UBE2W: variants seen among roughly 807,000 people sequenced by gnomAD.
UBE2W encodes the protein ubiquitin-conjugating enzyme E2 W.
A neutral mutation model predicts 27.2 loss-of-function variants in UBE2W; 18 were observed. The observed-to-expected ratio is 0.66, with a 90% CI of 0.46 to 0.98. The LOEUF (loss-of-function observed/expected upper bound fraction) is 0.98. Ranked by LOEUF, UBE2W falls within the 50% of genes least tolerant of loss-of-function variation. The pLI is 0.00. For missense variants in UBE2W, 90 were observed against 180.2 expected, an observed-to-expected ratio of 0.50 and a Z score of 2.87; for synonymous variants, 53 against 57.2, an observed-to-expected ratio of 0.93 and a Z score of 0.33.
chr8:73,876,342 T>A (rs183143454), intron 1 of UBE2W, among the ~76,000 whole-genome samples: 72 of 152,246 alleles, frequency 4.7e-4, no homozygotes, highest in African/African-American at 1.7e-3. Context: ...AAATTCTGTA[T>A]AACAAAGATA....
intron 3 of UBE2W, among the ~76,000 whole-genome samples, chr8:73,814,050 T>C (rs1307394913): frequency 1.3e-5 from 2 of 152,154 alleles, no homozygotes; most frequent in African/African-American, 4.8e-5. Flanking sequence ...TGTTCTAATG[T>C]AAACTTTGCT....
Position 73,790,964 on chromosome 8 carries a change from A to C in UBE2W, c.*3138T>G, listed in dbSNP as rs565057881. On this transcript the variant is annotated 3_prime_UTR_variant, in exon 6 of 6. Coordinates refer to ENST00000602593, the MANE Select transcript of UBE2W (RefSeq NM_018299.6). Reference sequence around the variant, plus strand: ...AAAATTTCATGAGGGAAAAGGTAATAAACTATTCTAGTTATTTTATACCAA... The same window carrying C: ...AAAATTTCATGAGGGAAAAGGTAATCAACTATTCTAGTTATTTTATACCAA... 2.0e-6 allele frequency: 2 copies of C among 980,206 alleles called. No homozygotes were observed. Among genetic ancestry groups the C allele is most frequent in the East Asian group, 1.1e-4 (1 of 8,794 alleles). The allele number at this position is 980,206 out of a possible 1,614,324, so 60.7% of individuals were successfully genotyped here. A position where few individuals can be genotyped will look rare whatever the true frequency, so the allele number is the denominator to read the frequency against.
chr8:73,815,979 T>TAACATACAATATACAATATAC (rs1215902195), intron 3 of UBE2W, among the ~76,000 whole-genome samples: 2 of 152,216 alleles, frequency 1.3e-5, no homozygotes, highest in South Asian at 2.1e-4. Context: ...TATTTATGTA[T>TAACATACAATATACAATATAC]AACATACAAT....
At chr8:73,812,166 C>T (rs1809176937) in intron 3 of UBE2W, among the ~76,000 whole-genome samples, 1 of 150,588 alleles carries the variant, frequency 6.6e-6, no homozygotes, top group African/African-American at 2.4e-5. Flanking sequence ...TCCATACTTG[C>T]ATCTATTTCT....
chr8:73,809,766 G>A (rs1809070605), intron 4 of UBE2W, among the ~76,000 whole-genome samples: 1 of 152,028 alleles, frequency 6.6e-6, no homozygotes, highest in African/African-American at 2.4e-5. Context: ...TTTTAGTAGA[G>A]ACAGGGTTTC....
chr8:73,817,977 G>A (rs1187220756), intron 3 of UBE2W, among the ~76,000 whole-genome samples: 8 of 152,064 alleles, frequency 5.3e-5, no homozygotes, highest in Non-Finnish European at 1.0e-4. Flanking sequence ...AAAACTACAA[G>A]AGCCCATGCT....
At chr8:73,797,283 C>A (rs1241581472) in intron 5 of UBE2W, among the ~76,000 whole-genome samples, 2 of 151,972 alleles carry the variant, frequency 1.3e-5, no homozygotes, top group East Asian at 3.8e-4. Flanking sequence ...TCCCCAGGGA[C>A]AGAAGACTAG....
rs115746293 is a variant in UBE2W, at chr8:73,870,642, A to G, written c.15+8166T>C. Among the ~76,000 whole-genome samples, 1,129 of 152,216 alleles carry G rather than the reference A, an allele frequency of 7.4e-3. 15 individuals carry two copies. Among genetic ancestry groups the G allele is most frequent in the African/African-American group, 0.026 (1,066 of 41,552 alleles). ...TTCGACATTTACTGAACTCTCCTAC[A>G]TGTCAGGCACTAGGTTACATCCAAG... On this transcript the variant is annotated intron_variant, in intron 1 of 5. Transcript: ENST00000602593.
chr8:73,787,912 G>A lies in UBE2W; in HGVS notation c.*6190C>T, dbSNP rs1808026352. ...GGGACTTATTAAAACACTAAAACTA[G>A]CTACATATTACATAAAGGTGATGTG... On this transcript the variant is annotated 3_prime_UTR_variant, in exon 6 of 6. Coordinates refer to ENST00000602593, the MANE Select transcript of UBE2W (RefSeq NM_018299.6). 2 of 985,234 alleles carry A rather than the reference G, an allele frequency of 2.0e-6. No individual in the cohort carries two copies. Among genetic ancestry groups the A allele is most frequent in the African/African-American group, 3.5e-5 (2 of 57,212 alleles). The allele number at this position is 985,234 out of a possible 1,614,324, so 61.0% of individuals were successfully genotyped here. A position where few individuals can be genotyped will look rare whatever the true frequency, so the allele number is the denominator to read the frequency against.
intron 5 of UBE2W, among the ~76,000 whole-genome samples, chr8:73,804,842 T>C (rs1808803530): frequency 6.6e-6 from 1 of 151,932 alleles, no homozygotes; most frequent in Non-Finnish European, 1.5e-5. Flanking sequence ...GTGATTCTCA[T>C]GCATCAGCCT....
At chr8:73,875,544 A>T (rs911150384) in intron 1 of UBE2W, among the ~76,000 whole-genome samples, 2 of 116,606 alleles carry the variant, frequency 1.7e-5, no homozygotes, top group Admixed American at 7.8e-5. Flanking sequence ...ATGGCATTTT[A>T]AAAAAAATAC....
chr8:73,815,953 T>C (rs558506758), intron 3 of UBE2W, among the ~76,000 whole-genome samples: 8 of 152,344 alleles, frequency 5.3e-5, no homozygotes, highest in Admixed American at 3.9e-4. Context: ...ATTGTTGTAA[T>C]GGAAACTAAA....
At chr8:73,851,324 G>C (rs1811068888) in intron 1 of UBE2W, among the ~76,000 whole-genome samples, 1 of 152,044 alleles carries the variant, frequency 6.6e-6, no homozygotes, top group African/African-American at 2.4e-5. Flanking sequence ...GAAGAGACGG[G>C]TAAAGGCTAG....
intron 3 of UBE2W, among the ~76,000 whole-genome samples, chr8:73,822,602 CAAAAAAAAAAA>C (rs67427702): frequency 2.7e-4 from 14 of 51,224 alleles, no homozygotes; most frequent in South Asian, 1.3e-3. Context: ...CTTGCAACTG[CAAAAAAAAAAA>C]AAAAAAAAAA....
At chr8:73,813,722 G>T (rs2130879301) in intron 3 of UBE2W, among the ~76,000 whole-genome samples, 1 of 151,592 alleles carries the variant, frequency 6.6e-6, no homozygotes, top group East Asian at 1.9e-4. Flanking sequence ...TTCACATAAG[G>T]GGCAAATAAG....
At chr8:73,794,854 T>TAA (rs1289254274) in intron 5 of UBE2W, among the ~76,000 whole-genome samples, 8 of 43,870 alleles carry the variant, frequency 1.8e-4, no homozygotes, top group East Asian at 4.8e-4. Flanking sequence ...CTCTGTCTCA[T>TAA]AAAAAAAAAA....
At chr8:73,804,503 A>G (rs1233696971) in intron 5 of UBE2W, among the ~76,000 whole-genome samples, 3 of 152,098 alleles carry the variant, frequency 2.0e-5, no homozygotes, top group Admixed American at 2.0e-4. Context: ...TACAATAGAA[A>G]TTTAAAATTA....
chr8:73,795,388 A>G (rs891443681), intron 5 of UBE2W, among the ~76,000 whole-genome samples: 1 of 152,162 alleles, frequency 6.6e-6, no homozygotes, highest in Middle Eastern at 3.2e-3. Context: ...TTCTATTGCC[A>G]TGTGACTTGC....
Position 73,786,396 on chromosome 8 carries a change from T to C in UBE2W, c.*7706A>G. 1 of 985,416 alleles carries C rather than the reference T, an allele frequency of 1.0e-6. No individual in the cohort carries two copies. Among genetic ancestry groups the C allele is most frequent in the South Asian group, 4.7e-5 (1 of 21,290 alleles). 61.0% of individuals were successfully genotyped at this position (985,416 alleles called of 1,614,324 possible). A position where few individuals can be genotyped will look rare whatever the true frequency, so the allele number is the denominator to read the frequency against. ...AAAAATACAAGCATAACCAAGTTAA[T>C]TCAATACACACTTATTAAATGCCTA... is the stretch of plus-strand genomic sequence containing the variant. On this transcript the variant is annotated 3_prime_UTR_variant, in exon 6 of 6. Transcript: ENST00000602593.
Sources: gnomAD v4.1 joint callset for allele counts (sites outside exome capture counted in the v4.1 genomes callset) on GRCh38, gnomAD v4.1.1 for gene constraint, MANE v1.5 for transcripts, NCBI Gene and HGNC (gene_info 2026-07-23, HGNC 2026-07-21) for gene names.